MARCHF10: variants seen among roughly 807,000 people sequenced by gnomAD.
MARCHF10 encodes probable E3 ubiquitin-protein ligase MARCHF10.
In MARCHF10, 64 loss-of-function variants were observed where a neutral mutation model predicts 76.2. The ratio of observed to expected loss-of-function variants is 0.84; its 90% CI spans 0.69 to 1.03. The LOEUF (loss-of-function observed/expected upper bound fraction) is 1.03. MARCHF10 is among the 50% of genes least tolerant of loss of function. The pLI is 0.00. For synonymous variants in MARCHF10, 340 were observed against 357.5 expected, an observed-to-expected ratio of 0.95 and a Z score of 0.55; for missense variants, 875 against 958.0, an observed-to-expected ratio of 0.91 and a Z score of 1.14.
rs35354893 is a variant in MARCHF10, at chr17:62,775,132, C to CTT, written c.210+13346_210+13347dup. Among the ~76,000 whole-genome samples, 245 of 142,618 alleles carry CTT rather than the reference C, an allele frequency of 1.7e-3. 2 individuals are homozygous for CTT. The highest frequency in any genetic ancestry group is 5.6e-3 in the African/African-American group (220 of 39,034). 93.6% of individuals were successfully genotyped at this position (142,618 alleles called of 152,430 possible). On this transcript the variant is annotated intron_variant, in intron 3 of 10. Coordinates refer to ENST00000311269, the MANE Select transcript of MARCHF10 (RefSeq NM_152598.4). The stretch of plus-strand genomic sequence containing the variant: ...TTTCCCAGGTCTCCCCCTGGCCTTC[C>CTT]TTTTTTTTTTTCAGATGAAGTCTCA...
chr17:62,705,529 C>G lies in MARCHF10; in HGVS notation c.2371+10G>C, dbSNP rs748226406. On this transcript the variant is annotated intron_variant, in intron 10 of 10. Transcript: ENST00000311269. ...CCCTCAAAATGGCAGGACTGGCCCC[C>G]AAAACCTACTTTCATTTTCCTCTGT... The G allele has an allele frequency of 2.5e-6, 4 of 1,614,002 alleles. No homozygotes were observed. Among genetic ancestry groups the G allele is most frequent in the African/African-American group, 1.3e-5 (1 of 74,904 alleles).
At chr17:62,728,882 T>C (rs2090884555) in intron 6 of MARCHF10, among the ~76,000 whole-genome samples, 1 of 152,186 alleles carries the variant, frequency 6.6e-6, no homozygotes, top group Non-Finnish European at 1.5e-5. Flanking sequence ...AGGATTTTAA[T>C]CAATGTCTTT....
chr17:62,789,386 C>T (rs897402485), intron 2 of MARCHF10, among the ~76,000 whole-genome samples: 1 of 152,188 alleles, frequency 6.6e-6, no homozygotes, highest in African/African-American at 2.4e-5. Flanking sequence ...CTTGGCAAAA[C>T]CGACTGATCT....
intron 3 of MARCHF10, among the ~76,000 whole-genome samples, chr17:62,767,977 T>C (rs1037338984): frequency 6.6e-6 from 1 of 152,006 alleles, no homozygotes; most frequent in Non-Finnish European, 1.5e-5. Context: ...AGAAAATATC[T>C]GGCCCTGCAC....
At chr17:62,752,406 C>T (rs1016036178) in intron 4 of MARCHF10, among the ~76,000 whole-genome samples, 13 of 152,194 alleles carry the variant, frequency 8.5e-5, no homozygotes, top group Non-Finnish European at 1.5e-4. Flanking sequence ...GCATTGCCAC[C>T]TGGCTGCCCT....
At chr17:62,752,078 A>C (rs973968966) in intron 4 of MARCHF10, among the ~76,000 whole-genome samples, 19 of 151,792 alleles carry the variant, frequency 1.3e-4, no homozygotes, top group Non-Finnish European at 2.6e-4. Flanking sequence ...GAGGGGTCTC[A>C]GTCCTTAGTG....
chr17:62,736,491 T>A lies in MARCHF10; in HGVS notation c.1377A>T (p.Pro459=), dbSNP rs1298401568. ...AATTCACTGATGATCTTGGAGATATTGGTCTGCCAGAAATAAAGTAGTCAA... is the reference window on the plus strand; with the variant it reads ...AATTCACTGATGATCTTGGAGATATAGGTCTGCCAGAAATAAAGTAGTCAA... ...NSLDYFISGR[P]ISPRSSVNSS... The change falls in exon 6 of 11, where the codon CCA becomes CCT. Residue 459 remains proline (P), a synonymous_variant. Coordinates refer to ENST00000311269, the MANE Select transcript of MARCHF10 (RefSeq NM_152598.4). 6.2e-7 allele frequency: 1 copy of A among 1,614,210 alleles called. No homozygotes were observed. The highest frequency in any genetic ancestry group is 1.1e-5 in the South Asian group (1 of 91,078).
chr17:62,745,056 G>A (rs1386831286), intron 4 of MARCHF10, among the ~76,000 whole-genome samples: 1 of 149,990 alleles, frequency 6.7e-6, no homozygotes, highest in Non-Finnish European at 1.5e-5. Context: ...CTGCGATGCA[G>A]AGGCCGAAGG....
At chr17:62,743,681 G>A (rs993779489) in intron 5 of MARCHF10, among the ~76,000 whole-genome samples, 12 of 152,104 alleles carry the variant, frequency 7.9e-5, no homozygotes, top group African/African-American at 2.9e-4. Flanking sequence ...AGGCAACTGT[G>A]TTCATTGGTC....
chr17:62,790,832 C>T (rs1381118847), intron 2 of MARCHF10, among the ~76,000 whole-genome samples: 4 of 152,300 alleles, frequency 2.6e-5, no homozygotes, highest in Non-Finnish European at 4.4e-5. Flanking sequence ...TTATTCACAT[C>T]GTGCTTTATG....
At chr17:62,715,041 C>A (rs1216985478) in intron 8 of MARCHF10, among the ~76,000 whole-genome samples, 1 of 152,238 alleles carries the variant, frequency 6.6e-6, no homozygotes, top group Non-Finnish European at 1.5e-5. Flanking sequence ...GTCACCGCGC[C>A]TGGCCTCACT....
rs991459661 is a variant in MARCHF10 at position 62,712,622 on chromosome 17, C to T, written c.2215-1278G>A. 1.3e-5 allele frequency among the ~76,000 whole-genome samples: 2 copies of T among 152,208 alleles called. No homozygotes were observed. Among genetic ancestry groups the T allele is most frequent in the African/African-American group, 4.8e-5 (2 of 41,446 alleles). On this transcript the variant is annotated intron_variant, in intron 8 of 10. Coordinates refer to ENST00000311269, the MANE Select transcript of MARCHF10 (RefSeq NM_152598.4). The surrounding 1 kb of genome is among the most constrained non-coding windows in gnomAD (Gnocchi z 4.2). ...CATTCTACAGATCCATCTTCGAAGGCCCCAGTCCTCTGTCCTTAGCAGTTA... is the reference window on the plus strand; with the variant it reads ...CATTCTACAGATCCATCTTCGAAGGTCCCAGTCCTCTGTCCTTAGCAGTTA...
rs527928951 is a variant in MARCHF10, at chr17:62,791,289, C to T, written c.91-2690G>A. On this transcript the variant is annotated intron_variant, in intron 2 of 10. Transcript: ENST00000311269. ...GAGCACTGGCGTGGAGTGTTGTTTC[C>T]GAAAGGGGCAGATGTCTGTGCCGTC... is the stretch of plus-strand genomic sequence containing the variant. Among the ~76,000 whole-genome samples the T allele has an allele frequency of 1.4e-4, 21 of 152,190 alleles. No individual in the cohort carries two copies. In the South Asian group the frequency reaches 2.3e-3, roughly 17 times the overall value.
chr17:62,801,685 A>C lies in MARCHF10; in HGVS notation c.51T>G (p.Tyr17Ter). 1 of 1,614,164 alleles carries C rather than the reference A, an allele frequency of 6.2e-7. No individual in the cohort carries two copies. The highest frequency in any genetic ancestry group is 8.5e-7 in the Non-Finnish European group (1 of 1,180,038). The change falls in exon 2 of 11, where the codon TAT becomes TAG. Residue 17 changes from tyrosine to a stop codon, truncating the protein, a stop_gained. Transcript: ENST00000311269. LOFTEE classifies it high-confidence loss of function. ...DRQKFFSDVQ[Y>*]LRDMQHKVDS... ...CCACCTTATGCTGCATGTCCCGCAG[A>C]TACTGAACATCGCTGAAGAACTTCT...
At chr17:62,791,355 T>C (rs979160831) in intron 2 of MARCHF10, among the ~76,000 whole-genome samples, 2 of 152,204 alleles carry the variant, frequency 1.3e-5, no homozygotes, top group Non-Finnish European at 2.9e-5. Context: ...AAAATGCTGA[T>C]GGGCTGAAAG....
chr17:62,774,583 G>T (rs2092512443), intron 3 of MARCHF10, among the ~76,000 whole-genome samples: 1 of 152,078 alleles, frequency 6.6e-6, no homozygotes, highest in Admixed American at 6.5e-5. Flanking sequence ...CTGAGAAGGG[G>T]TCTGAGGTGC....
intron 3 of MARCHF10, among the ~76,000 whole-genome samples, chr17:62,766,972 G>C (rs1438341321): frequency 6.6e-6 from 1 of 152,204 alleles, no homozygotes; most frequent in Non-Finnish European, 1.5e-5. Flanking sequence ...GAAGGTGGTG[G>C]TGTGTGCTGG....
intron 5 of MARCHF10, among the ~76,000 whole-genome samples, chr17:62,740,011 G>A (rs1020159244): frequency 3.3e-5 from 5 of 151,552 alleles, no homozygotes; most frequent in Middle Eastern, 3.4e-3. Context: ...TCACCACAAT[G>A]GTCTTCCTCT....
chr17:62,734,231 A>C (rs1316689821), intron 6 of MARCHF10, among the ~76,000 whole-genome samples: 1 of 152,182 alleles, frequency 6.6e-6, no homozygotes, highest in African/African-American at 2.4e-5. Context: ...GCTCAAAGCA[A>C]AAAACCCCAA....
Sources: gnomAD v4.1 joint callset for allele counts (sites outside exome capture counted in the v4.1 genomes callset) on GRCh38, gnomAD v4.1.1 for gene constraint, Gnocchi (gnomAD v3.1) non-coding constraint, MANE v1.5 for transcripts, NCBI Gene and HGNC (gene_info 2026-07-23, HGNC 2026-07-21) for gene names.